RBFOX1: variants seen among roughly 807,000 people sequenced by gnomAD.
RBFOX1 encodes the protein RNA binding fox-1 homolog 1, also known as RNA binding protein fox-1 homolog 1.
In RBFOX1, 8 loss-of-function variants were observed where a neutral mutation model predicts 57.7. The ratio of observed to expected loss-of-function variants is 0.14; its 90% CI spans 0.08 to 0.25. The LOEUF (loss-of-function observed/expected upper bound fraction) is 0.25, where lower values mean the gene tolerates loss of function less well. Ranked by LOEUF, RBFOX1 falls within the 10% of genes least tolerant of loss-of-function variation. The pLI is 1.00. For synonymous variants in RBFOX1, 326 were observed against 222.4 expected (o/e 1.47, Z -4.15); for missense variants, 611 against 548.5 (o/e 1.11, Z -1.14).
At chr16:5,809,379 A>C (rs2055341681) in intron 3 of RBFOX1, among the ~76,000 whole-genome samples, 1 of 152,210 alleles carries the variant, frequency 6.6e-6, no homozygotes. Context: ...TATCAGAGTG[A>C]ACAGGCAGCC....
intron 13 of RBFOX1, among the ~76,000 whole-genome samples, chr16:7,669,374 G>A (rs941672819): frequency 7.2e-5 from 11 of 151,978 alleles, no homozygotes; most frequent in African/African-American, 2.7e-4. Context: ...GGGAGAGAAA[G>A]AAATTATAAT....
chr16:6,690,711 C>G (rs1327608485), intron 3 of RBFOX1, among the ~76,000 whole-genome samples: 1 of 150,796 alleles, frequency 6.6e-6, no homozygotes, highest in East Asian at 1.9e-4. Context: ...AACAATATTT[C>G]TAACTCCAGG....
intron 3 of RBFOX1, among the ~76,000 whole-genome samples, chr16:6,984,446 A>G (rs925011650): frequency 6.6e-6 from 1 of 152,082 alleles, no homozygotes; most frequent in Non-Finnish European, 1.5e-5. Flanking sequence ...TCAGGAAAAC[A>G]ATATATATCC....
At chr16:5,532,074 C>G (rs1427966032) in intron 2 of RBFOX1, among the ~76,000 whole-genome samples, 1 of 152,210 alleles carries the variant, frequency 6.6e-6, no homozygotes, top group Admixed American at 6.5e-5. Context: ...GCTGGGATTA[C>G]AGGCGTGAAC....
intron 4 of RBFOX1, among the ~76,000 whole-genome samples, chr16:5,906,110 C>G (rs372052719): frequency 8.5e-5 from 13 of 152,136 alleles, no homozygotes; most frequent in Admixed American, 3.9e-4. Flanking sequence ...AACACCTCAA[C>G]TGGTATTTTT....
rs143975243 is a variant in RBFOX1 at position 5,240,791 on chromosome 16, C to T, written c.219+686C>T. ...GCCCCTGAGTGACCGGGCCCGTGTG[C>T]GTGGGATGGGGCTCCGTGGCCAGCC... On this transcript the variant is annotated intron_variant, in intron 1 of 2. Coordinates refer to the RBFOX1 transcript ENST00000585867. 6.0e-3 allele frequency among the ~76,000 whole-genome samples: 906 copies of T among 152,188 alleles called. 11 individuals carry two copies. Among genetic ancestry groups the T allele is most frequent in the African/African-American group, 0.021 (868 of 41,520 alleles).
intron 4 of RBFOX1, among the ~76,000 whole-genome samples, chr16:7,211,961 C>G (rs6500928): frequency 6.6e-6 from 1 of 151,770 alleles, no homozygotes; most frequent in Non-Finnish European, 1.5e-5. Flanking sequence ...CCTACTCCCT[C>G]CTACCCACCC....
At chr16:5,277,984 T>C (rs930751490) in intron 1 of RBFOX1, among the ~76,000 whole-genome samples, 1 of 152,212 alleles carries the variant, frequency 6.6e-6, no homozygotes, top group African/African-American at 2.4e-5. Context: ...AGGTATCCCG[T>C]TGATACACTG....
At chr16:6,460,770 C>G (rs761375778) in intron 2 of RBFOX1, among the ~76,000 whole-genome samples, 1 of 148,308 alleles carries the variant, frequency 6.7e-6, no homozygotes, top group Admixed American at 6.9e-5. Flanking sequence ...GAATATAAAT[C>G]ATTCTATTAT....
At chr16:6,941,044 A>G (rs1251701678) in intron 3 of RBFOX1, among the ~76,000 whole-genome samples, 2 of 151,972 alleles carry the variant, frequency 1.3e-5, no homozygotes, top group African/African-American at 2.4e-5. Context: ...ATGGACGCCT[A>G]TGTGCGTGTA....
chr16:5,664,033 G>A (rs1382844631), intron 3 of RBFOX1, among the ~76,000 whole-genome samples: 1 of 152,142 alleles, frequency 6.6e-6, no homozygotes, highest in Admixed American at 6.5e-5. Context: ...ACATGGAGGA[G>A]ACAGACAGAG....
chr16:7,424,999 C>G (rs1216755104), intron 4 of RBFOX1, among the ~76,000 whole-genome samples: 1 of 152,010 alleles, frequency 6.6e-6, no homozygotes, highest in South Asian at 2.1e-4. Context: ...GAGTATAATA[C>G]AAGTTGGCAT....
At chr16:7,024,944 A>C (rs1055208696) in intron 3 of RBFOX1, among the ~76,000 whole-genome samples, 10 of 152,134 alleles carry the variant, frequency 6.6e-5, no homozygotes, top group African/African-American at 2.2e-4. Flanking sequence ...CCCAGAGAGG[A>C]ACAGGACATT....
In RBFOX1 at chr16:6,859,174, T is replaced by TACGTATATATATACGTATATATAC. The variant is rs778753196; in HGVS notation, c.-15-192883_-15-192882insACGTATATATATACGTATATATAC. 2.2e-3 allele frequency among the ~76,000 whole-genome samples: 142 copies of TACGTATATATATACGTATATATAC among 65,070 alleles called. 4 individuals are homozygous for TACGTATATATATACGTATATATAC. Among genetic ancestry groups the TACGTATATATATACGTATATATAC allele is most frequent in the African/African-American group, 0.012 (135 of 11,636 alleles). 42.7% of individuals were successfully genotyped at this position (65,070 alleles called of 152,430 possible). A position where few individuals can be genotyped will look rare whatever the true frequency, so the allele number is the denominator to read the frequency against. ...ATATGTATATATATACGTATATATA[T>TACGTATATATATACGTATATATAC]GTATATATATGTATATATATATGTA... is the stretch of plus-strand genomic sequence containing the variant. On this transcript the variant is annotated intron_variant, in intron 3 of 15. Transcript: ENST00000550418.
Position 5,306,363 on chromosome 16 carries a change from A to T in RBFOX1, c.219+66258A>T, listed in dbSNP as rs1001480228. Among the ~76,000 whole-genome samples, 4 of 148,692 alleles carry T rather than the reference A, an allele frequency of 2.7e-5. No individual in the cohort carries two copies. The South Asian group carries it at 8.5e-4, about 32-fold the overall frequency. On this transcript the variant is annotated intron_variant, in intron 1 of 2. Coordinates refer to the RBFOX1 transcript ENST00000585867. ...AGACGGAGTTTCACCCTTGTCACCCAGGCTGTAGTGTAGTGGCATGATCTT... is the reference window on the plus strand; with the variant it reads ...AGACGGAGTTTCACCCTTGTCACCCTGGCTGTAGTGTAGTGGCATGATCTT...
rs1475746762 is a variant in RBFOX1, at chr16:6,450,847, A to ATATG, written c.-64+133793_-64+133794insGTAT. Among the ~76,000 whole-genome samples the ATATG allele has an allele frequency of 4.5e-5, 3 of 66,462 alleles. 1 individual carries two copies. The highest frequency in any genetic ancestry group is 3.5e-4 in the Admixed American group (2 of 5,732). 43.6% of individuals were successfully genotyped at this position (66,462 alleles called of 152,430 possible). ...TATATATATATATATGTGTATATAT[A>ATATG]TATATATATATATATATATATATAT... On this transcript the variant is annotated intron_variant, in intron 2 of 15. Transcript: ENST00000550418.
chr16:6,387,848 A>T (rs1567171980), intron 2 of RBFOX1, among the ~76,000 whole-genome samples: 3 of 152,016 alleles, frequency 2.0e-5, no homozygotes, highest in Admixed American at 1.3e-4. Flanking sequence ...CGTCTGTCTC[A>T]GTCTACAGGG....
intron 2 of RBFOX1, among the ~76,000 whole-genome samples, chr16:6,392,911 A>G (rs897836008): frequency 2.6e-5 from 4 of 152,250 alleles, no homozygotes; most frequent in African/African-American, 9.6e-5. Context: ...GATAAACCAT[A>G]TGACCCACCC....
chr16:6,409,783 C>G (rs899222406), intron 2 of RBFOX1, among the ~76,000 whole-genome samples: 1 of 152,184 alleles, frequency 6.6e-6, no homozygotes, highest in Non-Finnish European at 1.5e-5. Flanking sequence ...TCAAAATCCA[C>G]AAGTGACTCT....
Sources: gnomAD v4.1 joint callset for allele counts (sites outside exome capture counted in the v4.1 genomes callset) on GRCh38, gnomAD v4.1.1 for gene constraint, MANE v1.5 for transcripts, NCBI Gene and HGNC (gene_info 2026-07-23, HGNC 2026-07-21) for gene names.